ZFPM2: variants seen among roughly 807,000 people sequenced by gnomAD.
ZFPM2 encodes the protein zinc finger protein ZFPM2.
A neutral mutation model predicts 98.6 loss-of-function variants in ZFPM2; 20 were observed. That is an observed-to-expected ratio of 0.20 (90% CI 0.14 to 0.29). The LOEUF (loss-of-function observed/expected upper bound fraction) is 0.29. Among genes scored for constraint, ZFPM2 ranks in the 10% least tolerant of loss-of-function variants. ZFPM2 has a pLI of 1.00. For missense variants in ZFPM2, 1,310 were observed against 1,388.6 expected, an observed-to-expected ratio of 0.94 and a Z score of 0.90; for synonymous variants, 518 against 502.7, an observed-to-expected ratio of 1.03 and a Z score of -0.41.
intron 3 of ZFPM2, among the ~76,000 whole-genome samples, chr8:105,500,105 T>C (rs936534986): frequency 1.8e-4 from 28 of 152,210 alleles, no homozygotes; most frequent in African/African-American, 6.8e-4. Context: ...TCATAAGCTG[T>C]TTTCTGTACA....
intron 4 of ZFPM2, among the ~76,000 whole-genome samples, chr8:105,609,697 G>A (rs9785073): frequency 0.32 from 47,968 of 151,966 alleles, 7,744 homozygotes; most frequent in South Asian, 0.4. Flanking sequence ...ACTCTGCATA[G>A]TACTTTGAAA....
chr8:105,766,260 C>G (rs1812851139), intron 5 of ZFPM2, among the ~76,000 whole-genome samples: 1 of 151,890 alleles, frequency 6.6e-6, no homozygotes, highest in Non-Finnish European at 1.5e-5. Flanking sequence ...GCTTTCCAAC[C>G]TCTCACTCAT....
At chr8:105,547,490 C>T (rs1055251569) in intron 3 of ZFPM2, among the ~76,000 whole-genome samples, 4 of 127,184 alleles carry the variant, frequency 3.1e-5, no homozygotes, top group Non-Finnish European at 3.1e-5. Flanking sequence ...TGCAGTGAGC[C>T]AAGATCACAC....
chr8:105,511,920 C>T (rs1178146343), intron 3 of ZFPM2, among the ~76,000 whole-genome samples: 12 of 152,066 alleles, frequency 7.9e-5, no homozygotes, highest in African/African-American at 1.4e-4. Flanking sequence ...CCAAGGCAGG[C>T]GGATCACCTG....
intron 5 of ZFPM2, among the ~76,000 whole-genome samples, chr8:105,635,549 G>A (rs1055660684): frequency 3.3e-5 from 5 of 151,962 alleles, no homozygotes; most frequent in East Asian, 1.9e-4. Context: ...TTTCTAACCC[G>A]GAATACCTGT....
intron 3 of ZFPM2, among the ~76,000 whole-genome samples, chr8:105,482,053 GT>G (rs1224444579): frequency 6.6e-6 from 1 of 152,108 alleles, no homozygotes; most frequent in African/African-American, 2.4e-5. Context: ...ATTGTGTAAT[GT>G]TTTTCTGCCT....
chr8:105,502,152 CA>C (rs1451516492), intron 3 of ZFPM2, among the ~76,000 whole-genome samples: 1 of 151,970 alleles, frequency 6.6e-6, no homozygotes, highest in Non-Finnish European at 1.5e-5. Context: ...AGAGAAAGAG[CA>C]AGTGATATAT....
chr8:105,434,723 A>G (rs1020133703), intron 2 of ZFPM2, among the ~76,000 whole-genome samples: 1 of 152,198 alleles, frequency 6.6e-6, no homozygotes, highest in Non-Finnish European at 1.5e-5. Context: ...GGGATGACTA[A>G]CAGCTACAGT....
chr8:105,329,210 T>G (rs1373036601), intron 1 of ZFPM2, among the ~76,000 whole-genome samples: 2 of 151,876 alleles, frequency 1.3e-5, no homozygotes, highest in African/African-American at 4.8e-5. Flanking sequence ...TCAGATGATT[T>G]GGCTTTTGCG....
At chr8:105,329,242 G>A (rs1563605830) in intron 1 of ZFPM2, among the ~76,000 whole-genome samples, 1 of 151,826 alleles carries the variant, frequency 6.6e-6, no homozygotes, top group Non-Finnish European at 1.5e-5. Flanking sequence ...GGCCTGGTAG[G>A]CAAGCCTGAA....
chr8:105,754,910 T>C (rs1356112693), intron 5 of ZFPM2, among the ~76,000 whole-genome samples: 1 of 151,990 alleles, frequency 6.6e-6, no homozygotes, highest in Non-Finnish European at 1.5e-5. Context: ...ATGTGTCTGC[T>C]TTCCCACATT....
chr8:105,522,456 C>T (rs1331792109), intron 3 of ZFPM2, among the ~76,000 whole-genome samples: 4 of 152,098 alleles, frequency 2.6e-5, no homozygotes, highest in African/African-American at 9.7e-5. Context: ...TCTGTATATT[C>T]TTCTGTTAAG....
chr8:105,335,415 T>C (rs1003228659), intron 1 of ZFPM2, among the ~76,000 whole-genome samples: 9 of 151,956 alleles, frequency 5.9e-5, no homozygotes, highest in African/African-American at 1.7e-4. Context: ...CTACAAGGTG[T>C]ATGCTACTGT....
At position 105,791,723 on chromosome 8, in the gene ZFPM2, ACT is replaced by A. The variant is rs1162712628; in HGVS notation, c.739+2802_739+2803del. ...CGGCTATGAATCCATCTGGTCCTGG[ACT>A]CTTTTTCATTGGTAAGCTATTGATT... On this transcript the variant is annotated intron_variant, in intron 6 of 7. Transcript: ENST00000407775. Among the ~76,000 whole-genome samples the A allele has an allele frequency of 1.4e-4, 21 of 151,604 alleles. 1 individual carries two copies. The highest frequency in any genetic ancestry group is 4.4e-4 in the African/African-American group (18 of 41,156).
At chr8:105,593,552 C>T (rs748699579) in intron 4 of ZFPM2, among the ~76,000 whole-genome samples, 8 of 151,564 alleles carry the variant, frequency 5.3e-5, no homozygotes, top group Non-Finnish European at 7.4e-5. Context: ...CGCAGCTGTC[C>T]CCAATTTCTA....
chr8:105,319,260 G>A (rs1811971946), intron 1 of ZFPM2, among the ~76,000 whole-genome samples: 1 of 152,114 alleles, frequency 6.6e-6, no homozygotes, highest in South Asian at 2.1e-4. Flanking sequence ...ATTCCGACCC[G>A]CGCACGCTGC....
chr8:105,690,069 T>A (rs1810841823), intron 5 of ZFPM2, among the ~76,000 whole-genome samples: 1 of 152,210 alleles, frequency 6.6e-6, no homozygotes, highest in Non-Finnish European at 1.5e-5. Context: ...TAGAATATCC[T>A]AAGGAACTTG....
chr8:105,789,649 G>A (rs1257699994), intron 6 of ZFPM2, among the ~76,000 whole-genome samples: 1 of 151,840 alleles, frequency 6.6e-6, no homozygotes, highest in African/African-American at 2.4e-5. Context: ...AGATCCCTGA[G>A]GAATCGCCAC....
chr8:105,646,590 G>C (rs62528598), intron 5 of ZFPM2, among the ~76,000 whole-genome samples: 36 of 151,998 alleles, frequency 2.4e-4, no homozygotes, highest in Non-Finnish European at 2.4e-4. Context: ...GAAAGGCAGC[G>C]TGAGTAGGCA....
Sources: allele counts gnomAD v4.1 joint callset (sites outside exome capture counted in the v4.1 genomes callset), GRCh38; gene constraint gnomAD v4.1.1; transcripts MANE v1.5; gene names NCBI Gene and HGNC (gene_info 2026-07-23, HGNC 2026-07-21).